BCL6: variants seen among roughly 807,000 people sequenced by gnomAD.
BCL6 encodes BCL6 transcription repressor.
BCL6 carries 7 observed loss-of-function variants against 59.5 expected under a neutral mutation model. That is an observed-to-expected ratio of 0.12 (90% CI 0.07 to 0.22). The LOEUF is 0.22. Ranked by LOEUF, BCL6 falls within the 10% of genes least tolerant of loss-of-function variation. The pLI is 1.00. For missense variants in BCL6, 685 were observed against 939.4 expected, an observed-to-expected ratio of 0.73 and a Z score of 3.54; for synonymous variants, 339 against 349.7, an observed-to-expected ratio of 0.97 and a Z score of 0.34.
chr3:187,722,639 A>C, intron 9 of BCL6, 38 bp from the exon 10 acceptor site: 2 of 1,597,392 alleles, frequency 1.3e-6, no homozygotes, highest in Non-Finnish European at 1.7e-6. Flanking sequence ...AGCTGTCATC[A>C]ACCCAAGAAA....
At chr3:187,733,378 G>A in intron 3 of BCL6, 155 bp downstream of exon 3, 1 of 799,782 alleles carries the variant, frequency 1.3e-6, no homozygotes, top group Non-Finnish European at 2.0e-6. Context: ...TCATTCACTT[G>A]GGAGCCTACT....
At position 187,729,322 on chromosome 3, in the gene BCL6, G is replaced by T; in HGVS notation, c.1083C>A (p.Ser361=). 6.2e-7 allele frequency: 1 copy of T among 1,614,100 alleles called. No individual in the cohort carries two copies. Among genetic ancestry groups the T allele is most frequent in the Non-Finnish European group, 8.5e-7 (1 of 1,180,040 alleles). The change falls in exon 5 of 10, where the codon TCC becomes TCA. Residue 361 remains serine, a synonymous_variant. Transcript: ENST00000406870. The surrounding 1 kb of genome is among the most constrained non-coding windows in gnomAD (Gnocchi z 5.6). ...KNACILQASG[S]PPAKSPTDPK... ...GGTCAGTGGGGCTCTTGGCTGGAGG[G>T]GAGCCAGAAGCCTGGAGGATGCAGG...
intron 1 of BCL6, among the ~76,000 whole-genome samples, chr3:187,735,811 C>T (rs1216385480): frequency 6.6e-6 from 1 of 151,666 alleles, no homozygotes; most frequent in Non-Finnish European, 1.5e-5. Context: ...CAAAATAAAA[C>T]AATATTTGAA....
chr3:187,736,398 G>A (rs1719282417), intron 1 of BCL6: 1 of 152,214 alleles, frequency 6.6e-6, no homozygotes, highest in South Asian at 2.1e-4. Flanking sequence ...GGAGTGGGAG[G>A]TTTACTTAAA....
intron 1 of BCL6, among the ~76,000 whole-genome samples, chr3:187,738,968 G>A (rs1315762853): frequency 6.6e-6 from 1 of 152,160 alleles, no homozygotes; most frequent in Non-Finnish European, 1.5e-5. Flanking sequence ...AGCTCAAACC[G>A]AATGGTGTTT....
chr3:187,744,017 G>A (rs1246041077), intron 1 of BCL6, among the ~76,000 whole-genome samples: 4 of 152,132 alleles, frequency 2.6e-5, no homozygotes, highest in Non-Finnish European at 4.4e-5. Flanking sequence ...GCGGGCTGGG[G>A]CTCTGTTCGT....
At chr3:187,744,639 G>C (rs1711802245) in intron 1 of BCL6, among the ~76,000 whole-genome samples, 2 of 152,134 alleles carry the variant, frequency 1.3e-5, no homozygotes, top group Middle Eastern at 3.4e-3. Flanking sequence ...TCTCGGTTCG[G>C]CTCGAAGGCA....
At chr3:187,739,625 G>A (rs563211232) in intron 1 of BCL6, among the ~76,000 whole-genome samples, 21 of 152,184 alleles carry the variant, frequency 1.4e-4, no homozygotes, top group Non-Finnish European at 1.8e-4. Context: ...AAAACAGAGG[G>A]ATGTGTTTTA....
intron 1 of BCL6, among the ~76,000 whole-genome samples, chr3:187,744,194 C>G: frequency 6.6e-6 from 1 of 152,260 alleles, no homozygotes; most frequent in African/African-American, 2.4e-5. Flanking sequence ...TCACGCAGCG[C>G]CCAAAATACA....
rs138591566 is a variant in BCL6 at position 187,728,466 on chromosome 3, G to A, written c.1434C>T (p.Cys478=). 8.4e-5 allele frequency: 135 copies of A among 1,611,614 alleles called. No individual in the cohort carries two copies. The African/African-American group carries it at 9.0e-4, about 11-fold the overall frequency. ...CTGCATGCTGTGGGGACTGAGAGCC[G>A]CAGGACGTGCACTTCGGGGGGTGCA... is the stretch of plus-strand genomic sequence containing the variant. The part of the protein sequence containing the change: ...LYMHPPKCTS[C]GSQSPQHAEM... The change falls in exon 6 of 10, where the codon TGC becomes TGT. Residue 478 remains cysteine, a synonymous_variant. Transcript: ENST00000406870.
chr3:187,744,412 T>G (rs1711776530), intron 1 of BCL6, among the ~76,000 whole-genome samples: 2 of 150,074 alleles, frequency 1.3e-5, no homozygotes, highest in African/African-American at 2.4e-5. Flanking sequence ...CTCCCTCGAC[T>G]ACAACCAAGA....
At chr3:187,735,395 A>G (rs918945566) in intron 1 of BCL6, among the ~76,000 whole-genome samples, 12 of 152,218 alleles carry the variant, frequency 7.9e-5, no homozygotes, top group African/African-American at 2.9e-4. Flanking sequence ...TCCTTATTTC[A>G]CTGGCGATGA....
At chr3:187,722,656 A>G in intron 9 of BCL6, 55 bp from the exon 10 acceptor site, 1 of 1,581,336 alleles carries the variant, frequency 6.3e-7, no homozygotes, top group African/African-American at 1.3e-5. Context: ...GAAAGATGTC[A>G]TTGCTCAAAG....
chr3:187,745,057 C>T (rs1711860754), intron 1 of BCL6, among the ~76,000 whole-genome samples: 5 of 152,040 alleles, frequency 3.3e-5, no homozygotes, highest in South Asian at 4.2e-4. Context: ...TTTCCAAAAA[C>T]CAAAACAACA....
Position 187,721,958 on chromosome 3 carries a change from T to TA in BCL6, c.*499_*500insT. The TA allele has an allele frequency of 1.2e-5, 2 of 172,104 alleles. No individual in the cohort carries two copies. Among genetic ancestry groups the TA allele is most frequent in the Non-Finnish European group, 2.4e-5 (2 of 82,220 alleles). 10.7% of individuals were successfully genotyped at this position (172,104 alleles called of 1,614,324 possible). ...TTTTTTAGGTTTATATATATTTATTTTATATATATATATATTTATATATTT... is the reference window on the plus strand; with the variant it reads ...TTTTTTAGGTTTATATATATTTATTTATATATATATATATATTTATATATTT... On this transcript the variant is annotated 3_prime_UTR_variant, in exon 10 of 10. Coordinates refer to ENST00000406870, the MANE Select transcript of BCL6 (RefSeq NM_001706.5). This position sits in a 1 kb window ranked among gnomAD's most constrained non-coding sequence, Gnocchi z 4.2.
In BCL6 at chr3:187,726,719, G is replaced by T; in HGVS notation, c.1708+12C>A. On this transcript the variant is annotated intron_variant, in intron 7 of 9. Coordinates refer to ENST00000406870, the MANE Select transcript of BCL6 (RefSeq NM_001706.5). ...TTGTGGAGAGTTCGGGTCGTGTGGG[G>T]CAGGGCCATACCGGTATGGACGGTC... The T allele has an allele frequency of 4.3e-6, 7 of 1,613,222 alleles. No individual in the cohort carries two copies. The highest frequency in any genetic ancestry group is 5.9e-6 in the Non-Finnish European group (7 of 1,179,648).
chr3:187,744,662 G>A (rs1419568824), intron 1 of BCL6, among the ~76,000 whole-genome samples: 1 of 152,056 alleles, frequency 6.6e-6, no homozygotes, highest in Non-Finnish European at 1.5e-5. Context: ...GAATCTAAAA[G>A]ACCGAGGCCG....
At chr3:187,733,378 G>T (rs1719137710) in intron 3 of BCL6, 155 bp downstream of exon 3, 1 of 799,778 alleles carries the variant, frequency 1.3e-6, no homozygotes. Context: ...TCATTCACTT[G>T]GGAGCCTACT....
At position 187,729,857 on chromosome 3, in the gene BCL6, C is replaced by T. The variant is rs960367912; in HGVS notation, c.548G>A (p.Ser183Asn). 2.0e-5 allele frequency: 32 copies of T among 1,614,026 alleles called. No individual in the cohort carries two copies. The highest frequency in any genetic ancestry group is 2.5e-5 in the Non-Finnish European group (30 of 1,179,978). Residue 183 changes from serine (S) to asparagine (N), a missense_variant, in exon 5 of 10, where the codon AGC becomes AAC. Transcript: ENST00000406870. This position sits in a 1 kb window ranked among gnomAD's most constrained non-coding sequence, Gnocchi z 5.6. ...PGCESRAFAP[S>N]LYSGLSTPPA... ...CGGTGTGGACAGGCCACTGTACAGG[C>T]TGGGGGCAAAGGCTCTGCTCTCACA...
Sources: allele counts gnomAD v4.1 joint callset (sites outside exome capture counted in the v4.1 genomes callset), GRCh38; gene constraint gnomAD v4.1.1; non-coding constraint Gnocchi (gnomAD v3.1); transcripts MANE v1.5; gene names NCBI Gene and HGNC (gene_info 2026-07-23, HGNC 2026-07-21).